Variants in TENM2 observed in about 807,000 individuals in gnomAD.
The protein encoded by TENM2 is teneurin transmembrane protein 2.
Under a neutral mutation model 245.2 loss-of-function variants are expected in TENM2, and 52 were observed. The ratio of observed to expected loss-of-function variants is 0.21; its 90% confidence interval spans 0.17 to 0.27. The LOEUF (loss-of-function observed/expected upper bound fraction) is 0.27. TENM2 is among the 10% of genes least tolerant of loss of function. TENM2 has a pLI of 1.00. For synonymous variants in TENM2, 1,363 were observed against 1,438.9 expected (o/e 0.95, Z 1.19); for missense variants, 3,046 against 3,666.8 (o/e 0.83, Z 4.37).
In TENM2 at chr5:167,952,883, A is replaced by C. The variant is rs918918496; in HGVS notation, c.947+61A>C. The C allele has an allele frequency of 3.6e-6, 5 of 1,380,222 alleles. No individual in the cohort carries two copies. In the African/African-American group the frequency reaches 5.7e-5, roughly 16 times the overall value. 85.5% of individuals were successfully genotyped at this position (1,380,222 alleles called of 1,614,324 possible). A position where few individuals can be genotyped will look rare whatever the true frequency, so the allele number is the denominator to read the frequency against. ...TGTCACCTTACCCCTGAGTCACCAC[A>C]CAGAGCCACTGGGTGTCTCAGAGTT... On this transcript the variant is annotated intron_variant, in intron 4 of 28. Coordinates refer to ENST00000518659, the Ensembl canonical transcript of TENM2.
At chr5:167,685,424 G>A (rs951266497) in intron 2 of TENM2, among the ~76,000 whole-genome samples, 6 of 152,068 alleles carry the variant, frequency 3.9e-5, no homozygotes, top group Non-Finnish European at 8.8e-5. Context: ...ACCTTCCTCA[G>A]CCTTCCTCGG....
At chr5:168,248,701 T>G (rs1766820258) in intron 27 of TENM2, among the ~76,000 whole-genome samples, 1 of 152,144 alleles carries the variant, frequency 6.6e-6, no homozygotes, top group Non-Finnish European at 1.5e-5. Context: ...TGGTTCAAAT[T>G]CTCTCTCTTC....
At chr5:167,353,334 G>GGT (rs1554138181) in intron 1 of TENM2, among the ~76,000 whole-genome samples, 1 of 105,338 alleles carries the variant, frequency 9.5e-6, no homozygotes, top group East Asian at 9.2e-4. Context: ...GGGGGGTGGT[G>GGT]GGGGTGCAGA....
At chr5:167,119,475 C>T in the TENM2 span, 42,469 of 152,184 alleles carry the variant, frequency 0.28, 7,270 homozygotes, top group South Asian at 0.37. Flanking sequence ...TCTCACAGTT[C>T]TGGAGGCGGA....
chr5:167,877,391 C>G (rs529206735), intron 3 of TENM2, among the ~76,000 whole-genome samples: 19 of 152,078 alleles, frequency 1.2e-4, no homozygotes, highest in South Asian at 2.1e-4. Context: ...AACTCATATT[C>G]TTTTTCAAAA....
chr5:168,001,390 G>GA (rs1319014435), intron 5 of TENM2, among the ~76,000 whole-genome samples: 1 of 152,232 alleles, frequency 6.6e-6, no homozygotes, highest in Non-Finnish European at 1.5e-5. Context: ...TTACAAAAGT[G>GA]TAGCAGAATT....
chr5:167,554,393 T>G (rs1244113449), intron 2 of TENM2, among the ~76,000 whole-genome samples: 2 of 152,216 alleles, frequency 1.3e-5, no homozygotes, highest in Non-Finnish European at 2.9e-5. Context: ...TGACACTTGT[T>G]CTGATCAGAT....
At chr5:167,761,862 C>A (rs369384355) in intron 2 of TENM2, among the ~76,000 whole-genome samples, 1 of 152,158 alleles carries the variant, frequency 6.6e-6, no homozygotes, top group African/African-American at 2.4e-5. Context: ...ATCTGCTGAG[C>A]CAGAGATAGA....
At chr5:168,227,832 T>G in intron 24 of TENM2, 63 bp from the exon 27 acceptor site, 1 of 1,117,112 alleles carries the variant, frequency 9.0e-7, no homozygotes, top group Non-Finnish European at 1.3e-6. Flanking sequence ...GGTTCTATTC[T>G]CTTCTGACTA....
chr5:167,467,540 T>C (rs923540665), intron 2 of TENM2, among the ~76,000 whole-genome samples: 1 of 150,076 alleles, frequency 6.7e-6, no homozygotes, highest in African/African-American at 2.5e-5. Flanking sequence ...AACAGTAACC[T>C]TGTGCCATTT....
intron 2 of TENM2, among the ~76,000 whole-genome samples, chr5:167,399,670 C>T (rs1762258986): frequency 6.6e-6 from 1 of 152,108 alleles, no homozygotes; most frequent in Non-Finnish European, 1.5e-5. Flanking sequence ...CTTCATCTCT[C>T]TGAGTAGAGT....
chr5:167,787,239 T>G (rs1764642803), intron 2 of TENM2, among the ~76,000 whole-genome samples: 1 of 152,202 alleles, frequency 6.6e-6, no homozygotes, highest in Non-Finnish European at 1.5e-5. Context: ...TTTGTTGGTC[T>G]TACATTTTTA....
At chr5:167,957,591 G>T (rs977286603) in intron 4 of TENM2, among the ~76,000 whole-genome samples, 1 of 152,150 alleles carries the variant, frequency 6.6e-6, no homozygotes, top group African/African-American at 2.4e-5. Flanking sequence ...GATTGTTCCT[G>T]CTTTCTCCTA....
chr5:167,634,169 C>T (rs1779047083), intron 2 of TENM2, among the ~76,000 whole-genome samples: 1 of 152,114 alleles, frequency 6.6e-6, no homozygotes, highest in African/African-American at 2.4e-5. Context: ...AAAACCATGG[C>T]TTTTGTTTCT....
chr5:167,343,902 A>G (rs182408170), intron 1 of TENM2, among the ~76,000 whole-genome samples: 1 of 152,168 alleles, frequency 6.6e-6, no homozygotes, highest in African/African-American at 2.4e-5. Flanking sequence ...ATTATTTATT[A>G]TATTACAAAA....
intron 7 of TENM2, among the ~76,000 whole-genome samples, chr5:168,082,323 C>A (rs2067346236): frequency 6.6e-6 from 1 of 152,122 alleles, no homozygotes; most frequent in Non-Finnish European, 1.5e-5. Context: ...TTCTAGTTAG[C>A]CATTCGTCTA....
At chr5:167,146,249 G>A in the TENM2 span, among the ~76,000 whole-genome samples, 1 of 152,086 alleles carries the variant, frequency 6.6e-6, no homozygotes, top group Non-Finnish European at 1.5e-5. Flanking sequence ...ATCGTGAATG[G>A]CAAGTCAACA....
the TENM2 span, among the ~76,000 whole-genome samples, chr5:167,141,433 A>G: frequency 3.9e-5 from 6 of 152,190 alleles, no homozygotes; most frequent in African/African-American, 1.4e-4. Flanking sequence ...ATTCATACTG[A>G]CCAGGGTAAT....
intron 2 of TENM2, among the ~76,000 whole-genome samples, chr5:167,693,477 T>G (rs1757561436): frequency 6.6e-6 from 1 of 152,186 alleles, no homozygotes; most frequent in African/African-American, 2.4e-5. Context: ...TTGATTCAAT[T>G]TTAGCTTGAT....
Sources: gnomAD v4.1 joint callset for allele counts (sites outside exome capture counted in the v4.1 genomes callset) on GRCh38, gnomAD v4.1.1 for gene constraint, MANE v1.5 for transcripts, NCBI Gene and HGNC (gene_info 2026-07-23, HGNC 2026-07-21) for gene names.